JAK1: variants seen among roughly 807,000 people sequenced by gnomAD.
The protein encoded by JAK1 is Janus kinase 1, also known as tyrosine-protein kinase JAK1.
Under a neutral mutation model 136.6 loss-of-function variants are expected in JAK1, and 16 were observed. The ratio of observed to expected loss-of-function variants is 0.12; its 90% CI spans 0.08 to 0.18. The LOEUF is 0.18. JAK1 is among the 10% of genes least tolerant of loss of function. The pLI is 1.00. For synonymous variants in JAK1, 492 were observed against 519.5 expected (o/e 0.95, Z 0.72); for missense variants, 859 against 1,450.1 (o/e 0.59, Z 6.62).
intron 1 of JAK1, among the ~76,000 whole-genome samples, chr1:65,045,053 A>T (rs966796582): frequency 4.6e-5 from 7 of 152,366 alleles, no homozygotes; most frequent in Admixed American, 3.3e-4. Flanking sequence ...AAAGTAAGTC[A>T]ACTCAGTCTG....
At chr1:64,916,436 C>T (rs893212700) in intron 1 of JAK1, among the ~76,000 whole-genome samples, 2 of 151,818 alleles carry the variant, frequency 1.3e-5, no homozygotes, top group African/African-American at 4.8e-5. Flanking sequence ...GGTAACTGCA[C>T]AAGCCTATAT....
chr1:65,066,258 G>A (rs543566965), intron 1 of JAK1, among the ~76,000 whole-genome samples: 7 of 152,226 alleles, frequency 4.6e-5, no homozygotes, highest in East Asian at 1.9e-4. Flanking sequence ...CTGCGGCCAG[G>A]AGCCGGCGTC....
At chr1:64,919,105 G>T (rs1231135598) in intron 1 of JAK1, among the ~76,000 whole-genome samples, 2 of 152,032 alleles carry the variant, frequency 1.3e-5, no homozygotes, top group African/African-American at 4.8e-5. Flanking sequence ...CCATGTTGGT[G>T]TGCTGCACCT....
chr1:65,041,521 G>A (rs574859287), intron 2 of JAK1, among the ~76,000 whole-genome samples: 5 of 151,986 alleles, frequency 3.3e-5, no homozygotes, highest in African/African-American at 7.3e-5. Flanking sequence ...TCTCTGTGTC[G>A]TCTCCTACCT....
chr1:65,024,763 G>C (rs889703233), intron 2 of JAK1, among the ~76,000 whole-genome samples: 2 of 151,826 alleles, frequency 1.3e-5, no homozygotes, highest in African/African-American at 4.8e-5. Context: ...GATCACATGA[G>C]GTCAGGAGTT....
chr1:64,847,800 G>A, intron 12 of JAK1, 125 bp from the exon 13 acceptor site: 1 of 1,069,792 alleles, frequency 9.3e-7, no homozygotes, highest in South Asian at 1.6e-5. Flanking sequence ...AGGGCTCCCT[G>A]CCCCAGCTCG....
chr1:64,917,963 C>T lies in JAK1; in HGVS notation c.-77-31622G>A, dbSNP rs559748440. Among the ~76,000 whole-genome samples, 38 of 152,300 alleles carry T rather than the reference C, an allele frequency of 2.5e-4. 2 individuals are homozygous for T. The South Asian group carries it at 7.2e-3, about 29-fold the overall frequency. On this transcript the variant is annotated intron_variant, in intron 1 of 24. Coordinates refer to ENST00000342505, the MANE Select transcript of JAK1 (RefSeq NM_002227.4). ...ACTTGACCCAGAGTTTCTGTTCAGA[C>T]ACAGGGGTAATGAATTCAACCAGAG...
intron 2 of JAK1, among the ~76,000 whole-genome samples, chr1:64,884,163 G>C (rs1253671447): frequency 2.0e-5 from 3 of 152,120 alleles, no homozygotes; most frequent in African/African-American, 7.2e-5. Context: ...CCTTACTTTG[G>C]AACAGTTAGA....
chr1:65,040,786 G>A (rs1370781763), intron 2 of JAK1, among the ~76,000 whole-genome samples: 1 of 152,040 alleles, frequency 6.6e-6, no homozygotes, highest in East Asian at 1.9e-4. Flanking sequence ...TTTTGCGAGG[G>A]GCAAGGGATA....
intron 1 of JAK1, among the ~76,000 whole-genome samples, chr1:64,913,972 G>C (rs776059856): frequency 3.9e-5 from 6 of 152,162 alleles, no homozygotes; most frequent in Admixed American, 6.5e-5. Flanking sequence ...GGGTGCGTTG[G>C]GGGGTGAGTG....
intron 2 of JAK1, chr1:64,972,489 G>A (rs544450924): frequency 1.1e-4 from 16 of 152,286 alleles, no homozygotes; most frequent in South Asian, 4.1e-4. Context: ...TAAAGCAGTC[G>A]TTTTAATATA....
At chr1:64,981,789 G>T (rs1646548223) in intron 2 of JAK1, among the ~76,000 whole-genome samples, 1 of 152,166 alleles carries the variant, frequency 6.6e-6, no homozygotes, top group Admixed American at 6.5e-5. Context: ...TACACAGCAG[G>T]AACTGAAGTT....
At chr1:64,957,608 A>C in intron 1 of JAK1, among the ~76,000 whole-genome samples, 1 of 152,254 alleles carries the variant, frequency 6.6e-6, no homozygotes, top group Admixed American at 6.5e-5. Flanking sequence ...CAGGAGATCG[A>C]GACCATCCTG....
At chr1:65,059,383 G>A (rs1375493135) in intron 1 of JAK1, among the ~76,000 whole-genome samples, 1 of 152,076 alleles carries the variant, frequency 6.6e-6, no homozygotes, top group Non-Finnish European at 1.5e-5. Flanking sequence ...GAAGCTAGTG[G>A]GGCTTTATAA....
chr1:64,846,511 A>C, intron 14 of JAK1, 138 bp downstream of exon 14: 1 of 647,828 alleles, frequency 1.5e-6, no homozygotes, highest in South Asian at 1.8e-5. Context: ...TGACCTGCTC[A>C]GTCCCTCAAT....
chr1:64,846,310 T>C (rs547342442), intron 14 of JAK1, among the ~76,000 whole-genome samples: 1 of 151,964 alleles, frequency 6.6e-6, no homozygotes, highest in Non-Finnish European at 1.5e-5. Flanking sequence ...GCTTGTGGGG[T>C]GCGCTCACCT....
At chr1:64,920,300 G>A (rs375303500) in intron 1 of JAK1, among the ~76,000 whole-genome samples, 1 of 152,158 alleles carries the variant, frequency 6.6e-6, no homozygotes, top group Non-Finnish European at 1.5e-5. Flanking sequence ...AGCACTTTGG[G>A]AGGCCAAGGC....
rs1194666845 is a variant in JAK1, at chr1:64,834,232, C to T, written c.*330G>A. The T allele has an allele frequency of 4.1e-6, 1 of 242,488 alleles. No homozygotes were observed. Among genetic ancestry groups the T allele is most frequent in the Non-Finnish European group, 8.0e-6 (1 of 124,414 alleles). The allele number at this position is 242,488 out of a possible 1,614,324, so 15.0% of individuals were successfully genotyped here. A position where few individuals can be genotyped will look rare whatever the true frequency, so the allele number is the denominator to read the frequency against. ...TGGTCAACTCCTCGTTTTCAAAAAT[C>T]CCCTTTTGGTAATGCAGTTGTGATG... On this transcript the variant is annotated 3_prime_UTR_variant, in exon 25 of 25. Transcript: ENST00000342505.
At chr1:64,851,560 C>T (rs1214725376) in intron 11 of JAK1, among the ~76,000 whole-genome samples, 5 of 152,158 alleles carry the variant, frequency 3.3e-5, no homozygotes, top group Non-Finnish European at 7.3e-5. Flanking sequence ...TTACCAAATG[C>T]CCCCTCAATA....
Sources: allele counts gnomAD v4.1 joint callset (sites outside exome capture counted in the v4.1 genomes callset), GRCh38; gene constraint gnomAD v4.1.1; transcripts MANE v1.5; gene names NCBI Gene and HGNC (gene_info 2026-07-23, HGNC 2026-07-21).